The following FGF2 variants were observed in gnomAD, a reference collection of about 807,000 sequenced individuals.
FGF2 encodes the protein basic fibroblast growth factor bFGF.
In FGF2, 13 loss-of-function variants were observed where a neutral mutation model predicts 15.9. The observed-to-expected ratio is 0.82, with a 90% CI of 0.53 to 1.30. FGF2 has a LOEUF of 1.30. Among genes scored for constraint, FGF2 ranks in the 50% most tolerant of loss-of-function variants. The pLI is 0.00. For synonymous variants in FGF2, 90 were observed against 78.4 expected (o/e 1.15, Z -0.78); for missense variants, 163 against 196.9 (o/e 0.83, Z 1.03).
chr4:122,862,145 G>A (rs1726484431), intron 1 of FGF2, among the ~76,000 whole-genome samples: 1 of 152,102 alleles, frequency 6.6e-6, no homozygotes, highest in Non-Finnish European at 1.5e-5. Flanking sequence ...CACAGTACCT[G>A]GCACATAGCT....
At chr4:122,841,068 C>T (rs1432197952) in intron 1 of FGF2, among the ~76,000 whole-genome samples, 7 of 152,148 alleles carry the variant, frequency 4.6e-5, no homozygotes, top group Non-Finnish European at 7.4e-5. Context: ...ACATAGCCTT[C>T]GTGTGTTAAT....
At chr4:122,871,421 A>T (rs985413622) in intron 1 of FGF2, among the ~76,000 whole-genome samples, 1 of 152,038 alleles carries the variant, frequency 6.6e-6, no homozygotes, top group Non-Finnish European at 1.5e-5. Context: ...GGGGTGTTAA[A>T]GTCTCCCACT....
At chr4:122,855,906 C>T (rs1483002943) in intron 1 of FGF2, among the ~76,000 whole-genome samples, 1 of 152,174 alleles carries the variant, frequency 6.6e-6, no homozygotes, top group African/African-American at 2.4e-5. Flanking sequence ...GATATTTGAG[C>T]TTCATCCTTC....
intron 1 of FGF2, among the ~76,000 whole-genome samples, chr4:122,832,388 G>A (rs1354204508): frequency 6.6e-6 from 1 of 152,182 alleles, no homozygotes; most frequent in Non-Finnish European, 1.5e-5. Flanking sequence ...GTGATTACAA[G>A]CACCTGCCAC....
At position 122,844,579 on chromosome 4, in the gene FGF2, CTTT is replaced by C. The variant is rs1261480848; in HGVS notation, c.178+17228_178+17230del. On this transcript the variant is annotated intron_variant, in intron 1 of 2. Transcript: ENST00000644866. ...TCTTTTTCTTTCTTTCTTTTTCTTT[CTTT>C]CTTTCTTCCTTCCTTCCTTCCTTCC... Among the ~76,000 whole-genome samples, 126 of 130,406 alleles carry C rather than the reference CTTT, an allele frequency of 9.7e-4. 1 individual carries two copies. Among genetic ancestry groups the C allele is most frequent in the African/African-American group, 3.7e-3 (119 of 31,896 alleles). The allele number at this position is 130,406 out of a possible 152,430, so 85.6% of individuals were successfully genotyped here. A position where few individuals can be genotyped will look rare whatever the true frequency, so the allele number is the denominator to read the frequency against.
At chr4:122,880,105 C>G (rs1207675596) in intron 2 of FGF2, among the ~76,000 whole-genome samples, 2 of 152,136 alleles carry the variant, frequency 1.3e-5, no homozygotes, top group Admixed American at 1.3e-4. Flanking sequence ...CCTGTAAAAT[C>G]AAAAGCAAGT....
intron 1 of FGF2, among the ~76,000 whole-genome samples, chr4:122,829,855 A>G (rs1725724414): frequency 3.9e-5 from 6 of 152,206 alleles, no homozygotes; most frequent in Admixed American, 3.9e-4. Flanking sequence ...TAAGTACAGT[A>G]TATTATTTTC....
intron 2 of FGF2, among the ~76,000 whole-genome samples, chr4:122,886,040 T>C (rs1727051764): frequency 1.3e-5 from 2 of 149,460 alleles, no homozygotes; most frequent in African/African-American, 5.0e-5. Context: ...TACCTTGGCC[T>C]CCCAAGTAGG....
In FGF2 at chr4:122,893,122, C is replaced by A. The variant is rs369473521; in HGVS notation, c.*726C>A. 3 of 1,614,032 alleles carry A rather than the reference C, an allele frequency of 1.9e-6. No individual in the cohort carries two copies. Among genetic ancestry groups the A allele is most frequent in the Non-Finnish European group, 2.5e-6 (3 of 1,180,034 alleles). ...GGCAGATGATATACATATCTGACTTCCCAAAAGCTCCAGGATTTGTGTGCT... is the reference window on the plus strand; with the variant it reads ...GGCAGATGATATACATATCTGACTTACCAAAAGCTCCAGGATTTGTGTGCT... On this transcript the variant is annotated 3_prime_UTR_variant, in exon 3 of 3. Coordinates refer to ENST00000644866, the MANE Select transcript of FGF2 (RefSeq NM_001361665.2).
intron 1 of FGF2, among the ~76,000 whole-genome samples, chr4:122,834,159 T>A (rs1239585242): frequency 6.6e-6 from 1 of 152,142 alleles, no homozygotes; most frequent in Non-Finnish European, 1.5e-5. Flanking sequence ...ACAGATTGAT[T>A]CCCAAGTTAC....
chr4:122,854,612 G>A (rs308443), intron 1 of FGF2, among the ~76,000 whole-genome samples: 15,127 of 152,142 alleles, frequency 0.099, 1,736 homozygotes, highest in African/African-American at 0.28. Flanking sequence ...TCAGGCAAAG[G>A]AGCCGTTTCC....
intron 1 of FGF2, among the ~76,000 whole-genome samples, chr4:122,853,993 G>T (rs1726286965): frequency 6.6e-6 from 1 of 152,198 alleles, no homozygotes; most frequent in Non-Finnish European, 1.5e-5. Context: ...CGTCTAGAGA[G>T]GAGCTGGGAT....
chr4:122,839,813 A>G (rs1410285854), intron 1 of FGF2, among the ~76,000 whole-genome samples: 5 of 152,134 alleles, frequency 3.3e-5, no homozygotes, highest in Non-Finnish European at 7.4e-5. Flanking sequence ...TTAGTTTGCT[A>G]AGGCTGCCAT....
At position 122,826,869 on chromosome 4, in the gene FGF2, A is replaced by G; in HGVS notation, c.-306A>G. The G allele has an allele frequency of 6.6e-7, 1 of 1,520,498 alleles. No individual in the cohort carries two copies. The highest frequency in any genetic ancestry group is 2.0e-5 in the Admixed American group (1 of 50,324). The allele number at this position is 1,520,498 out of a possible 1,614,324, so 94.2% of individuals were successfully genotyped here. On this transcript the variant is annotated 5_prime_UTR_variant, in exon 1 of 3. Coordinates refer to ENST00000644866, the MANE Select transcript of FGF2 (RefSeq NM_001361665.2). Reference sequence around the variant, plus strand: ...ACGCGGTGCCCGCGGTTGCAACGGGATCCCGGGCGCTGCAGCTTGGGAGGC... The same window carrying G: ...ACGCGGTGCCCGCGGTTGCAACGGGGTCCCGGGCGCTGCAGCTTGGGAGGC...
chr4:122,844,936 C>T (rs1050143216), intron 1 of FGF2, among the ~76,000 whole-genome samples: 2 of 152,318 alleles, frequency 1.3e-5, no homozygotes, highest in East Asian at 1.9e-4. Context: ...CATGCCCAGC[C>T]TCCAGAAGGT....
chr4:122,827,831 T>C lies in FGF2; in HGVS notation c.178+479T>C, dbSNP rs942631091. Among the ~76,000 whole-genome samples the C allele has an allele frequency of 6.6e-6, 1 of 152,176 alleles. No individual in the cohort carries two copies. On this transcript the variant is annotated intron_variant, in intron 1 of 2. Coordinates refer to ENST00000644866, the MANE Select transcript of FGF2 (RefSeq NM_001361665.2). This position sits in a 1 kb window ranked among gnomAD's most constrained non-coding sequence, Gnocchi z 4.2. ...TTCCGACTCGGGACGACCCGAGGCA[T>C]ATGGCACACTACTCTCACCCACTCT... is the stretch of plus-strand genomic sequence containing the variant.
chr4:122,897,230 T>C lies in FGF2; in HGVS notation c.*4834T>C, dbSNP rs1727388665. 1 of 166,824 alleles carries C rather than the reference T, an allele frequency of 6.0e-6. No individual in the cohort carries two copies. The highest frequency in any genetic ancestry group is 6.2e-5 in the Admixed American group (1 of 16,016). The allele number at this position is 166,824 out of a possible 1,614,324, so 10.3% of individuals were successfully genotyped here. Reference sequence around the variant, plus strand: ...ATTTCAAAGTTCATTTAAAGGCTACTATTCATCCTCTGTGATGGAATGGTC... The same window carrying C: ...ATTTCAAAGTTCATTTAAAGGCTACCATTCATCCTCTGTGATGGAATGGTC... On this transcript the variant is annotated 3_prime_UTR_variant, in exon 3 of 3. Transcript: ENST00000644866.
chr4:122,856,575 A>G (rs77495252), intron 1 of FGF2, among the ~76,000 whole-genome samples: 1 of 152,366 alleles, frequency 6.6e-6, no homozygotes, highest in East Asian at 1.9e-4. Context: ...AATATTAATT[A>G]TTAAGCTAGA....
At position 122,826,880 on chromosome 4, in the gene FGF2, T is replaced by C. The variant is rs1299037561; in HGVS notation, c.-295T>C. On this transcript the variant is annotated 5_prime_UTR_variant, in exon 1 of 3. Transcript: ENST00000644866. ...GCGGTTGCAACGGGATCCCGGGCGC[T>C]GCAGCTTGGGAGGCGGCTCTCCCCA... 9.2e-6 allele frequency: 14 copies of C among 1,526,208 alleles called. No individual in the cohort carries two copies. Among genetic ancestry groups the C allele is most frequent in the Admixed American group, 7.8e-5 (4 of 51,422 alleles). 94.5% of individuals were successfully genotyped at this position (1,526,208 alleles called of 1,614,324 possible).
Sources: gnomAD v4.1 joint callset for allele counts (sites outside exome capture counted in the v4.1 genomes callset) on GRCh38, gnomAD v4.1.1 for gene constraint, Gnocchi (gnomAD v3.1) non-coding constraint, MANE v1.5 for transcripts, NCBI Gene and HGNC (gene_info 2026-07-23, HGNC 2026-07-21) for gene names.